The following STK10 variants were observed in gnomAD, a reference collection of about 807,000 sequenced individuals.
The protein encoded by STK10 is serine/threonine-protein kinase 10.
A neutral mutation model predicts 113.8 loss-of-function variants in STK10; 78 were observed. The ratio of observed to expected loss-of-function variants is 0.69; its 90% CI spans 0.57 to 0.83. The LOEUF (loss-of-function observed/expected upper bound fraction) is 0.83, where lower values mean the gene tolerates loss of function less well. Among genes scored for constraint, STK10 ranks in the 40% least tolerant of loss-of-function variants. The probability of loss-of-function intolerance (pLI) is 0.00; values close to 1 mark genes in which losing one functional copy is unlikely to be tolerated. For synonymous variants in STK10, 465 were observed against 494.7 expected (o/e 0.94, Z 0.80); for missense variants, 1,109 against 1,280.1 (o/e 0.87, Z 2.04).
In STK10 at chr5:172,093,794, G is replaced by A. The variant is rs1211433876; in HGVS notation, c.1172C>T (p.Thr391Ile). ...TCCAGGGGCCACGACTGGGGGACTGGTGGTTTGGAGGGATCTGTCCCCAGA... is the reference window on the plus strand; with the variant it reads ...TCCAGGGGCCACGACTGGGGGACTGATGGTTTGGAGGGATCTGTCCCCAGA... ...QPSGDRSLQT[T>I]SPPVVAPGNE... The change falls in exon 9 of 19, where the codon ACC becomes ATC. Residue 391 changes from threonine to isoleucine, a missense_variant. Transcript: ENST00000176763. This position sits in a 1 kb window ranked among gnomAD's most constrained non-coding sequence, Gnocchi z 4.1. 3.7e-6 allele frequency: 6 copies of A among 1,608,360 alleles called. No homozygotes were observed. The highest frequency in any genetic ancestry group is 5.1e-6 in the Non-Finnish European group (6 of 1,175,604).
intron 18 of STK10, among the ~76,000 whole-genome samples, chr5:172,050,135 A>C (rs1767595704): frequency 6.6e-6 from 1 of 152,228 alleles, no homozygotes; most frequent in Non-Finnish European, 1.5e-5. Flanking sequence ...TTTTCAATTA[A>C]AACAATAAAG....
chr5:172,056,849 G>A (rs114725348), intron 15 of STK10, among the ~76,000 whole-genome samples: 2,391 of 150,626 alleles, frequency 0.016, 66 homozygotes, highest in African/African-American at 0.055. Flanking sequence ...ACTCCAGCCT[G>A]AGTGAGAGAG....
intron 15 of STK10, chr5:172,057,043 AAG>A (rs1321477671): frequency 1.5e-5 from 3 of 204,758 alleles, no homozygotes; most frequent in East Asian, 2.3e-4. Flanking sequence ...GAAAGAAAGA[AAG>A]AAAGAAAAGA....
intron 2 of STK10, among the ~76,000 whole-genome samples, chr5:172,150,952 G>A (rs1260574409): frequency 5.9e-5 from 9 of 152,164 alleles, no homozygotes; most frequent in East Asian, 1.9e-4. Flanking sequence ...TTGGCTGCTC[G>A]CGACAGACCC....
intron 13 of STK10, among the ~76,000 whole-genome samples, chr5:172,063,079 A>G (rs6872229): frequency 0.15 from 22,473 of 151,926 alleles, 2,525 homozygotes; most frequent in African/African-American, 0.31. Context: ...GTGAAACCCT[A>G]ACTCTATTAA....
chr5:172,079,016 G>A (rs568651000), intron 12 of STK10, among the ~76,000 whole-genome samples: 1 of 152,080 alleles, frequency 6.6e-6, no homozygotes, highest in East Asian at 1.9e-4. Flanking sequence ...AGCCAAGGAG[G>A]GAATGGGCAT....
At chr5:172,079,372 T>C (rs1768378946) in intron 12 of STK10, among the ~76,000 whole-genome samples, 1 of 152,076 alleles carries the variant, frequency 6.6e-6, no homozygotes, top group Non-Finnish European at 1.5e-5. Flanking sequence ...TGTCATACAC[T>C]GAGAGGCTTT....
chr5:172,083,459 A>G (rs994246135), intron 10 of STK10, among the ~76,000 whole-genome samples: 7 of 152,232 alleles, frequency 4.6e-5, no homozygotes, highest in African/African-American at 1.4e-4. Context: ...AATTTGATGT[A>G]GAAACTACAT....
intron 9 of STK10, chr5:172,092,663 A>G (rs924253935): frequency 6.6e-6 from 1 of 152,180 alleles, no homozygotes; most frequent in Non-Finnish European, 1.5e-5. Context: ...GGAAGGAAAA[A>G]CAAAATCATA....
chr5:172,162,467 G>A (rs1451034878), intron 1 of STK10, among the ~76,000 whole-genome samples: 2 of 152,004 alleles, frequency 1.3e-5, no homozygotes, highest in East Asian at 3.8e-4. Context: ...CACACACACA[G>A]TCTTAACTGA....
intron 12 of STK10, among the ~76,000 whole-genome samples, chr5:172,070,311 T>C (rs1768149656): frequency 6.6e-6 from 1 of 150,934 alleles, no homozygotes; most frequent in Non-Finnish European, 1.5e-5. Flanking sequence ...TTGATCATAA[T>C]GAAATCAAAC....
chr5:172,131,974 C>T (rs1411139321), intron 2 of STK10, among the ~76,000 whole-genome samples: 1 of 152,186 alleles, frequency 6.6e-6, no homozygotes, highest in Admixed American at 6.5e-5. Context: ...CTCCTGCATG[C>T]CCTCTTGCTC....
rs200023335 is a variant in STK10, at chr5:172,188,047, G to T, written c.-5C>A. On this transcript the variant is annotated 5_prime_UTR_variant, in exon 1 of 19. Transcript: ENST00000176763. This position sits in a 1 kb window ranked among gnomAD's most constrained non-coding sequence, Gnocchi z 5.6. ...GCGGAAATTGGCAAAAGCCATGGCC[G>T]GGGGCGCGGTGGCGCCGGCTCGGGC... 6.2e-7 allele frequency: 1 copy of T among 1,610,406 alleles called. No homozygotes were observed.
At chr5:172,132,669 T>C (rs570905211) in intron 2 of STK10, among the ~76,000 whole-genome samples, 4 of 152,274 alleles carry the variant, frequency 2.6e-5, no homozygotes, top group Middle Eastern at 6.8e-3. Flanking sequence ...CCTGAAGAAC[T>C]GAGATTTGTG....
Position 172,107,781 on chromosome 5 carries a change from A to T in STK10, c.592T>A (p.Trp198Arg), listed in dbSNP as rs1381524857. The stretch of plus-strand genomic sequence containing the variant: ...ATTTCCAGAAGCTACACGACTCACC[A>T]GTAAGGCGTGCCGATGAAGGAATCT... ...KRDSFIGTPYWMAPEVVMCET... is the reference protein window; with the variant it reads ...KRDSFIGTPYRMAPEVVMCET... Residue 198 changes from tryptophan to arginine, a missense_variant and splice_region_variant, in exon 5 of 19, where the codon TGG (tryptophan) becomes AGG (arginine). This residue lies in a region of STK10 where 44 missense variants were observed against 84.4 expected (regional missense o/e 0.52). Coordinates refer to ENST00000176763, the MANE Select transcript of STK10 (RefSeq NM_005990.4). The T allele has an allele frequency of 6.2e-7, 1 of 1,613,944 alleles. No individual in the cohort carries two copies. Among genetic ancestry groups the T allele is most frequent in the Non-Finnish European group, 8.5e-7 (1 of 1,179,928 alleles).
In STK10 at chr5:172,078,745, G is replaced by GC. The variant is rs1768364958; in HGVS notation, c.1989+3580dup. Among the ~76,000 whole-genome samples, 3 of 150,856 alleles carry GC rather than the reference G, an allele frequency of 2.0e-5. 1 individual carries two copies. The East Asian group carries it at 5.8e-4, about 29-fold the overall frequency. ...AGATATTTGAAAAAACTGAATGTGA[G>GC]CGGAACCCCAGGTGCCAGATCCCAC... On this transcript the variant is annotated intron_variant, in intron 12 of 18. Coordinates refer to ENST00000176763, the MANE Select transcript of STK10 (RefSeq NM_005990.4).
intron 9 of STK10, among the ~76,000 whole-genome samples, chr5:172,091,478 T>A (rs531374016): frequency 2.0e-5 from 3 of 151,708 alleles, no homozygotes; most frequent in Non-Finnish European, 2.9e-5. Flanking sequence ...GGTGTCCCCA[T>A]AACCCTCCCG....
At chr5:172,141,326 C>T (rs971846679) in intron 2 of STK10, among the ~76,000 whole-genome samples, 1 of 152,126 alleles carries the variant, frequency 6.6e-6, no homozygotes, top group African/African-American at 2.4e-5. Flanking sequence ...CCTGTAATCC[C>T]AGCACTTTGG....
chr5:172,132,345 A>G (rs1769773364), intron 2 of STK10, among the ~76,000 whole-genome samples: 1 of 151,948 alleles, frequency 6.6e-6, no homozygotes, highest in African/African-American at 2.4e-5. Context: ...AATTTTTTTA[A>G]TTTTTTTAAT....
Sources: allele counts gnomAD v4.1 joint callset (sites outside exome capture counted in the v4.1 genomes callset), GRCh38; gene constraint gnomAD v4.1.1; regional missense constraint gnomAD v4.1.1; non-coding constraint Gnocchi (gnomAD v3.1); transcripts MANE v1.5; gene names NCBI Gene and HGNC (gene_info 2026-07-23, HGNC 2026-07-21).